NAA15: variants seen among roughly 807,000 people sequenced by gnomAD.
NAA15 encodes N-alpha-acetyltransferase 15, NatA auxiliary subunit.
A neutral mutation model predicts 114.0 loss-of-function variants in NAA15; 34 were observed. That is an observed-to-expected ratio of 0.30 (90% CI 0.23 to 0.40). The LOEUF is 0.40. Ranked by LOEUF, NAA15 falls within the 10% of genes least tolerant of loss-of-function variation. NAA15 has a pLI of 1.00. For missense variants in NAA15, 658 were observed against 1,004.5 expected (o/e 0.66, Z 4.66); for synonymous variants, 340 against 338.0 (o/e 1.01, Z -0.06).
Position 139,376,388 on chromosome 4 carries a change from T to C in NAA15, c.1971T>C (p.Ala657=), listed in dbSNP as rs754544620. ...LAKVETPLEE[A]IKFLTPLKNL... is the part of the protein sequence containing the mutation. ...AGGTTGAAACTCCATTGGAAGAAGCTATTAAATTTTTAACACCGTTGAAGA... is the reference window on the plus strand; with the variant it reads ...AGGTTGAAACTCCATTGGAAGAAGCCATTAAATTTTTAACACCGTTGAAGA... Residue 657 remains alanine (A), a synonymous_variant, in exon 16 of 20, where the codon GCT becomes GCC. Coordinates refer to ENST00000296543, the MANE Select transcript of NAA15 (RefSeq NM_057175.5). 1.6e-5 allele frequency: 26 copies of C among 1,608,776 alleles called. No individual in the cohort carries two copies. Among genetic ancestry groups the C allele is most frequent in the South Asian group, 9.9e-5 (9 of 90,986 alleles).
chr4:139,306,413 T>G (rs1031890901), intron 1 of NAA15, among the ~76,000 whole-genome samples: 2 of 151,852 alleles, frequency 1.3e-5, no homozygotes, highest in African/African-American at 4.8e-5. Flanking sequence ...TTTTGTATTT[T>G]TAGTAGAGAT....
intron 7 of NAA15, among the ~76,000 whole-genome samples, chr4:139,350,485 C>A (rs546824594): frequency 6.9e-4 from 105 of 152,298 alleles, no homozygotes; most frequent in African/African-American, 2.4e-3. Flanking sequence ...CCCCAGTCAT[C>A]CTCTCCCATA....
At chr4:139,352,949 T>G (rs1278769532) in intron 9 of NAA15, among the ~76,000 whole-genome samples, 1 of 152,180 alleles carries the variant, frequency 6.6e-6, no homozygotes, top group African/African-American at 2.4e-5. Context: ...ATTACAGATG[T>G]GAGCCACCAT....
At chr4:139,339,278 T>C (rs1363904028) in intron 3 of NAA15, among the ~76,000 whole-genome samples, 7 of 151,800 alleles carry the variant, frequency 4.6e-5, no homozygotes, top group Non-Finnish European at 1.0e-4. Context: ...AGCGATCACT[T>C]GAGGCTAGGA....
At chr4:139,327,282 C>T (rs549295476) in intron 1 of NAA15, among the ~76,000 whole-genome samples, 196 of 152,212 alleles carry the variant, frequency 1.3e-3, no homozygotes, top group African/African-American at 4.4e-3. Flanking sequence ...CAGAGTCTCG[C>T]TCTGTCACCC....
At chr4:139,334,372 G>A in intron 2 of NAA15, 114 bp downstream of exon 2, 1 of 551,234 alleles carries the variant, frequency 1.8e-6, no homozygotes, top group Non-Finnish European at 3.1e-6. Flanking sequence ...TCTCATCTTT[G>A]ACTTCTGTGA....
intron 3 of NAA15, among the ~76,000 whole-genome samples, chr4:139,339,409 AT>A (rs1476348086): frequency 6.6e-6 from 1 of 152,096 alleles, no homozygotes; most frequent in African/African-American, 2.4e-5. Flanking sequence ...GGGTAGAAGG[AT>A]TGTTTGAGCC....
At position 139,339,788 on chromosome 4, in the gene NAA15, CAAA is replaced by C. The variant is rs370259085; in HGVS notation, c.245-1122_245-1120del. Among the ~76,000 whole-genome samples the C allele has an allele frequency of 1.2e-3, 178 of 152,026 alleles. 2 individuals are homozygous for C. Among genetic ancestry groups the C allele is most frequent in the African/African-American group, 4.0e-3 (165 of 41,500 alleles). ...CAACAACAACAACAACAAAAAACAA[CAAA>C]ACCCAATTACTTTGGTAGGAGAATA... On this transcript the variant is annotated intron_variant, in intron 3 of 19. Transcript: ENST00000296543.
intron 3 of NAA15, 27 bp from the exon 4 acceptor site, chr4:139,340,885 G>C: frequency 6.7e-7 from 1 of 1,494,344 alleles, no homozygotes; most frequent in East Asian, 2.4e-5. Flanking sequence ...TTGACTTGTA[G>C]GTTGTACCCT....
chr4:139,330,425 T>G (rs555316365), intron 1 of NAA15, among the ~76,000 whole-genome samples: 1 of 152,182 alleles, frequency 6.6e-6, no homozygotes, highest in Non-Finnish European at 1.5e-5. Flanking sequence ...CCTCCTCTTA[T>G]CCCTGAAATC....
rs1560952959 is a variant in NAA15, at chr4:139,315,036, G to GTTTAGTTTAGT, written c.54+13207_54+13208insTAGTTTAGTTT. 4.0e-4 allele frequency among the ~76,000 whole-genome samples: 33 copies of GTTTAGTTTAGT among 82,438 alleles called. 2 individuals carry two copies. The highest frequency in any genetic ancestry group is 1.2e-3 in the African/African-American group (23 of 19,534). 54.1% of individuals were successfully genotyped at this position (82,438 alleles called of 152,430 possible). A position where few individuals can be genotyped will look rare whatever the true frequency, so the allele number is the denominator to read the frequency against. The stretch of plus-strand genomic sequence containing the variant: ...GTTAGGTTAGGTTAGGTTAGGTTAG[G>GTTTAGTTTAGT]TTAGGTTAGGTTAGGTTAGTTTAGT... On this transcript the variant is annotated intron_variant, in intron 1 of 19. Coordinates refer to ENST00000296543, the MANE Select transcript of NAA15 (RefSeq NM_057175.5).
At chr4:139,342,325 A>T (rs1339688199) in intron 4 of NAA15, among the ~76,000 whole-genome samples, 1 of 152,180 alleles carries the variant, frequency 6.6e-6, no homozygotes, top group Non-Finnish European at 1.5e-5. Flanking sequence ...GTTTTAAAAA[A>T]ATTCTAAGAT....
intron 14 of NAA15, among the ~76,000 whole-genome samples, chr4:139,366,363 C>T (rs1748284361): frequency 6.6e-6 from 1 of 152,078 alleles, no homozygotes; most frequent in African/African-American, 2.4e-5. Context: ...TCCATAGTTT[C>T]TAAAGTTTCT....
intron 1 of NAA15, among the ~76,000 whole-genome samples, chr4:139,314,744 C>A (rs547432098): frequency 6.6e-6 from 1 of 151,918 alleles, no homozygotes; most frequent in Admixed American, 6.6e-5. Flanking sequence ...GTCGCATGAT[C>A]TTGGCTTACC....
At chr4:139,318,616 G>A (rs1484084887) in intron 1 of NAA15, 1 of 152,250 alleles carries the variant, frequency 6.6e-6, no homozygotes, top group African/African-American at 2.4e-5. Flanking sequence ...CACTTTCGGA[G>A]GCTGAGGTGT....
chr4:139,331,275 T>G (rs995973846), intron 1 of NAA15, among the ~76,000 whole-genome samples: 1 of 152,316 alleles, frequency 6.6e-6, no homozygotes, highest in Admixed American at 6.5e-5. Flanking sequence ...GGTATTTGCC[T>G]TCTTGTTGCT....
Position 139,315,051 on chromosome 4 carries a change from G to GT in NAA15, c.54+13222dup, listed in dbSNP as rs56861357. The stretch of plus-strand genomic sequence containing the variant: ...GTTAGGTTAGGTTAGGTTAGGTTAG[G>GT]TTAGTTTAGTTTAGTTTAGTTTAGT... On this transcript the variant is annotated intron_variant, in intron 1 of 19. Coordinates refer to ENST00000296543, the MANE Select transcript of NAA15 (RefSeq NM_057175.5). 4.6e-4 allele frequency among the ~76,000 whole-genome samples: 52 copies of GT among 112,438 alleles called. 2 individuals are homozygous for GT. Among genetic ancestry groups the GT allele is most frequent in the Non-Finnish European group, 6.7e-4 (34 of 50,584 alleles). 73.8% of individuals were successfully genotyped at this position (112,438 alleles called of 152,430 possible). A position where few individuals can be genotyped will look rare whatever the true frequency, so the allele number is the denominator to read the frequency against.
At chr4:139,324,177 T>A (rs563895668) in intron 1 of NAA15, among the ~76,000 whole-genome samples, 2 of 152,346 alleles carry the variant, frequency 1.3e-5, no homozygotes, top group African/African-American at 4.8e-5. Context: ...TCCAGCCCAG[T>A]TTGTTTTAAT....
chr4:139,310,920 A>C (rs890115029), intron 1 of NAA15, among the ~76,000 whole-genome samples: 1 of 137,302 alleles, frequency 7.3e-6, no homozygotes, highest in Non-Finnish European at 1.6e-5. Context: ...TGCCTGGCCT[A>C]ATTTAAAAAA....
Sources: gnomAD v4.1 joint callset for allele counts (sites outside exome capture counted in the v4.1 genomes callset) on GRCh38, gnomAD v4.1.1 for gene constraint, MANE v1.5 for transcripts, NCBI Gene and HGNC (gene_info 2026-07-23, HGNC 2026-07-21) for gene names.